The following MICAL2 variants were observed in gnomAD, a reference collection of about 807,000 sequenced individuals.
The protein encoded by MICAL2 is [F-actin]-monooxygenase MICAL2.
Under a neutral mutation model 127.3 loss-of-function variants are expected in MICAL2, and 77 were observed. That is an observed-to-expected ratio of 0.60 (90% confidence interval 0.50 to 0.73). MICAL2 has a LOEUF of 0.73. MICAL2 is among the 30% of genes least tolerant of loss of function. The probability of loss-of-function intolerance (pLI) is 0.00; values close to 1 mark genes in which losing one functional copy is unlikely to be tolerated. For synonymous variants in MICAL2, 570 were observed against 551.1 expected, an observed-to-expected ratio of 1.03 and a Z score of -0.48; for missense variants, 1,351 against 1,434.4, an observed-to-expected ratio of 0.94 and a Z score of 0.94.
At chr11:12,330,320 A>G (rs1034785063) in intron 32 of MICAL2, among the ~76,000 whole-genome samples, 1 of 152,230 alleles carries the variant, frequency 6.6e-6, no homozygotes, top group Non-Finnish European at 1.5e-5. Flanking sequence ...GCTCCGGTTC[A>G]AGTGATTTAA....
chr11:12,189,912 A>G (rs553709220), intron 3 of MICAL2, among the ~76,000 whole-genome samples: 19 of 152,304 alleles, frequency 1.2e-4, no homozygotes, highest in Admixed American at 3.9e-4. Context: ...AAAACATAAC[A>G]TGTTCTTTGG....
intron 32 of MICAL2, among the ~76,000 whole-genome samples, chr11:12,330,810 AGAGAGAGAGAGG>A (rs1864409065): frequency 6.7e-6 from 1 of 150,348 alleles, no homozygotes; most frequent in South Asian, 2.1e-4. Context: ...AGAGACAGAG[AGAGAGAGAGAGG>A]GAGAGACAGA....
chr11:12,131,368 T>A (rs1294251316), intron 1 of MICAL2, among the ~76,000 whole-genome samples: 1 of 147,766 alleles, frequency 6.8e-6, no homozygotes, highest in African/African-American at 2.5e-5. Flanking sequence ...AGGCTGCCCA[T>A]CCCTCAGTCA....
chr11:12,243,895 G>A (rs1469605352), intron 20 of MICAL2, 92 bp from the exon 21 acceptor site: 1 of 1,482,010 alleles, frequency 6.7e-7, no homozygotes, highest in East Asian at 2.3e-5. Flanking sequence ...GCCTTCTTGA[G>A]TGCACAGGCA....
chr11:12,338,090 A>C (rs2134875270), intron 32 of MICAL2, among the ~76,000 whole-genome samples: 1 of 152,222 alleles, frequency 6.6e-6, no homozygotes, highest in Non-Finnish European at 1.5e-5. Context: ...TGGGAGTCTA[A>C]GTCTCTTTGT....
chr11:12,194,954 T>C (rs1454098198), intron 3 of MICAL2, among the ~76,000 whole-genome samples: 2 of 152,220 alleles, frequency 1.3e-5, no homozygotes, highest in African/African-American at 4.8e-5. Context: ...TGGATTTCAT[T>C]TTATATACAT....
At chr11:12,210,601 G>A (rs191998648) in intron 6 of MICAL2, among the ~76,000 whole-genome samples, 20 of 152,320 alleles carry the variant, frequency 1.3e-4, no homozygotes, top group African/African-American at 3.4e-4. Flanking sequence ...ATATCTGACA[G>A]GGAATGTTTA....
chr11:12,160,214 G>T (rs1854620424), intron 2 of MICAL2, among the ~76,000 whole-genome samples: 1 of 152,162 alleles, frequency 6.6e-6, no homozygotes, highest in Non-Finnish European at 1.5e-5. Flanking sequence ...GCCCCAGCAG[G>T]CTCCTCCTGG....
chr11:12,257,913 C>T (rs1012755464), intron 24 of MICAL2, among the ~76,000 whole-genome samples: 1 of 152,204 alleles, frequency 6.6e-6, no homozygotes, highest in Non-Finnish European at 1.5e-5. Context: ...TTTTCCTCCC[C>T]ATCACTGCTG....
At position 12,319,755 on chromosome 11, in the gene MICAL2, AC is replaced by A. The variant is rs1565304222; in HGVS notation, c.5274del (p.Ser1759ProfsTer17). ...AGAGGCTTCCTCTTCTGCCTCTTCAACCTCCTCCTCCTCTGCAGATGAAGAA... is the reference window on the plus strand; with the variant it reads ...AGAGGCTTCCTCTTCTGCCTCTTCAACTCCTCCTCCTCTGCAGATGAAGAA... On this transcript the variant is annotated frameshift_variant, in exon 30 of 35. Coordinates refer to the MICAL2 transcript ENST00000646065. LOFTEE classifies it high-confidence loss of function. The A allele has an allele frequency of 3.7e-6, 6 of 1,613,924 alleles. No individual in the cohort carries two copies. The highest frequency in any genetic ancestry group is 5.1e-6 in the Non-Finnish European group (6 of 1,179,924).
At chr11:12,243,406 G>T (rs1860246935) in intron 20 of MICAL2, 1 of 153,818 alleles carries the variant, frequency 6.5e-6, no homozygotes, top group African/African-American at 2.4e-5. Flanking sequence ...CTACAGGTGG[G>T]TGTATGTGTA....
At chr11:12,284,578 G>T (rs1301120914) in intron 2 of MICAL2, among the ~76,000 whole-genome samples, 2 of 152,072 alleles carry the variant, frequency 1.3e-5, no homozygotes, top group Non-Finnish European at 2.9e-5. Context: ...ATTCCACAAA[G>T]TTACAAGCTA....
downstream of MICAL2, chr11:12,293,473 A>AG: frequency 2.1e-6 from 3 of 1,453,822 alleles, no homozygotes; most frequent in Admixed American, 6.8e-5. Context: ...AAAAACAGGG[A>AG]GGGGGTTGTA....
In MICAL2 at chr11:12,239,521, C is replaced by G; in HGVS notation, c.2150C>G (p.Ser717Cys). Residue 717 changes from serine to cysteine, a missense_variant, in exon 17 of 28, where the codon TCC becomes TGC. Ser to Cys is a moderately radical substitution (Grantham distance 112). Transcript: ENST00000683283. ...GGTGGAAATCAGAACAAAGTCAAGT[C>G]CATGGCGAATCAGCTGCTGGCCAAG... ...KEGGNQNKVKSMANQLLAKFE... is the reference protein window; with the variant it reads ...KEGGNQNKVKCMANQLLAKFE... The G allele has an allele frequency of 1.2e-6, 2 of 1,614,214 alleles. No individual in the cohort carries two copies. The highest frequency in any genetic ancestry group is 1.7e-6 in the Non-Finnish European group (2 of 1,180,044).
intron 21 of MICAL2, among the ~76,000 whole-genome samples, chr11:12,248,733 G>T (rs1047325863): frequency 3.6e-5 from 1 of 27,572 alleles, no homozygotes; most frequent in Non-Finnish European, 9.2e-5. Flanking sequence ...TTTGTCTGGG[G>T]CATCCCGCCT....
At chr11:12,283,606 G>T (rs1318652080) in intron 2 of MICAL2, among the ~76,000 whole-genome samples, 2 of 152,204 alleles carry the variant, frequency 1.3e-5, no homozygotes, top group African/African-American at 4.8e-5. Flanking sequence ...TTGGGATGAG[G>T]GCAGAGTTCT....
At chr11:12,294,035 G>A (rs776662623), downstream of MICAL2, 5 of 1,614,174 alleles carry the variant, frequency 3.1e-6, no homozygotes, top group Non-Finnish European at 4.2e-6. Context: ...CCCTGAGAGT[G>A]TGCACCTCAA....
chr11:12,267,068 C>T (rs926152775), downstream of MICAL2, among the ~76,000 whole-genome samples: 31 of 152,232 alleles, frequency 2.0e-4, no homozygotes, highest in African/African-American at 7.2e-4. Context: ...CTGCTTTCCT[C>T]CAGGTTTCTG....
At chr11:12,230,622 A>C (rs1274474739) in intron 15 of MICAL2, among the ~76,000 whole-genome samples, 1 of 152,206 alleles carries the variant, frequency 6.6e-6, no homozygotes, top group Non-Finnish European at 1.5e-5. Context: ...ACAATGTGGC[A>C]TCTTCATCTG....
Sources: gnomAD v4.1 joint callset for allele counts (sites outside exome capture counted in the v4.1 genomes callset) on GRCh38, gnomAD v4.1.1 for gene constraint, MANE v1.5 for transcripts, NCBI Gene and HGNC (gene_info 2026-07-23, HGNC 2026-07-21) for gene names.